The following CAPN10 variants were observed in gnomAD, a reference collection of about 807,000 sequenced individuals.
CAPN10 encodes calpain 10.
CAPN10 carries 71 observed loss-of-function variants against 78.4 expected under a neutral mutation model. The ratio of observed to expected loss-of-function variants is 0.91; its 90% confidence interval spans 0.75 to 1.10. CAPN10 has a LOEUF of 1.10. Among genes scored for constraint, CAPN10 ranks in the 50% least tolerant of loss-of-function variants. CAPN10 has a pLI of 0.00. For missense variants in CAPN10, 849 were observed against 924.6 expected, an observed-to-expected ratio of 0.92 and a Z score of 1.06; for synonymous variants, 437 against 407.2, an observed-to-expected ratio of 1.07 and a Z score of -0.88.
In CAPN10 at chr2:240,595,183, G is replaced by A. The variant is rs765891497; in HGVS notation, c.1157G>A (p.Arg386Lys). The A allele has an allele frequency of 9.3e-6, 15 of 1,613,822 alleles. No individual in the cohort carries two copies. The South Asian group carries it at 1.4e-4, about 15-fold the overall frequency. Residue 386 changes from arginine to lysine, a missense_variant, in exon 7 of 12, where the codon AGG (arginine) becomes AAG (lysine). By Grantham distance (26) the Arg-to-Lys change is conservative. Coordinates refer to ENST00000391984, the MANE Select transcript of CAPN10 (RefSeq NM_023083.4). ...TACATTGCCGTCCTGCAGAGATCCAGGCTGCACGCGGCGGACTGGGCAGGC... is the reference window on the plus strand; with the variant it reads ...TACATTGCCGTCCTGCAGAGATCCAAGCTGCACGCGGCGGACTGGGCAGGC... ...EVYIAVLQRSRLHAADWAGRA... is the reference protein window; with the variant it reads ...EVYIAVLQRSKLHAADWAGRA...
chr2:240,597,848 C>A, intron 9 of CAPN10, 40 bp from the exon 10 acceptor site: 1 of 1,539,134 alleles, frequency 6.5e-7, no homozygotes, highest in Non-Finnish European at 8.8e-7. Context: ...CTCCCTACCC[C>A]AAGGCTGGCC....
In CAPN10 at chr2:240,594,586, C is replaced by G. The variant is rs777385683; in HGVS notation, c.874C>G (p.Leu292Val). Residue 292 changes from leucine (L) to valine (V), a missense_variant, in exon 6 of 12, where the codon CTC (leucine) becomes GTC (valine). Coordinates refer to ENST00000391984, the MANE Select transcript of CAPN10 (RefSeq NM_023083.4). Reference sequence around the variant, plus strand: ...GGTAGATGCAGCGGTAGCATCTGAGCTCCTGTCCCAGCTCCAGGAAGGGGA... The same window carrying G: ...GGTAGATGCAGCGGTAGCATCTGAGGTCCTGTCCCAGCTCCAGGAAGGGGA... Reference protein sequence around the residue: ...SQVDAAVASELLSQLQEGEFW... With the variant: ...SQVDAAVASEVLSQLQEGEFW... The G allele has an allele frequency of 1.4e-5, 23 of 1,613,888 alleles. No homozygotes were observed. The highest frequency in any genetic ancestry group is 1.9e-5 in the Non-Finnish European group (23 of 1,179,936).
At chr2:240,594,472 C>T in intron 5 of CAPN10, 71 bp from the exon 6 acceptor site, 1 of 1,509,632 alleles carries the variant, frequency 6.6e-7, no homozygotes, top group East Asian at 2.3e-5. Flanking sequence ...CCAGGCTTCC[C>T]CCCAGCCTGC....
chr2:240,594,487 A>G lies in CAPN10; in HGVS notation c.831-56A>G, dbSNP rs2125462534. ...CCAGGCTTCCCCCCAGCCTGCCGGC[A>G]AGTTGACACTACCAGTTCTCGGGAG... On this transcript the variant is annotated intron_variant, in intron 5 of 11. Coordinates refer to ENST00000391984, the MANE Select transcript of CAPN10 (RefSeq NM_023083.4). 2.6e-6 allele frequency: 4 copies of G among 1,556,428 alleles called. No homozygotes were observed. In the South Asian group the frequency reaches 4.7e-5, roughly 18 times the overall value.
Position 240,589,456 on chromosome 2 carries a change from C to T in CAPN10, c.255C>T (p.Ser85=). The change falls in exon 2 of 12, where the codon AGC becomes AGT. Residue 85 remains serine, a synonymous_variant. Transcript: ENST00000391984. ...GTGCCTGCGCCGCGCTGCAGAAGAGCAGGCACCTCCTGGACCAGGTGCGGG... is the reference window on the plus strand; with the variant it reads ...GTGCCTGCGCCGCGCTGCAGAAGAGTAGGCACCTCCTGGACCAGGTGCGGG... ...FLCACAALQK[S]RHLLDQVIPP... 6.2e-7 allele frequency: 1 copy of T among 1,613,422 alleles called. No homozygotes were observed. The highest frequency in any genetic ancestry group is 8.5e-7 in the Non-Finnish European group (1 of 1,179,830).
At chr2:240,592,250 C>G in intron 4 of CAPN10, 100 bp downstream of exon 4, 1 of 1,012,232 alleles carries the variant, frequency 9.9e-7, no homozygotes. Context: ...CTACACAGCC[C>G]TGTCAGGACT....
At chr2:240,595,755 G>A (rs911168053) in intron 7 of CAPN10, among the ~76,000 whole-genome samples, 3 of 152,360 alleles carry the variant, frequency 2.0e-5, no homozygotes, top group South Asian at 2.1e-4. Context: ...GTCCTGACAC[G>A]GATCTCATGG....
At chr2:240,598,526 C>A in intron 11 of CAPN10, 125 bp from the exon 12 acceptor site, 1 of 1,437,732 alleles carries the variant, frequency 7.0e-7, no homozygotes, top group Non-Finnish European at 9.6e-7. Context: ...CCTGTGAGAG[C>A]CCCGGGCGGT....
Position 240,586,872 on chromosome 2 carries a change from C to T in CAPN10, c.-40C>T. ...CGCCTTCTCTCCGGGGCTGCGACCC[C>T]GAGGCAACCGGCTGCAGATGGGAGC... On this transcript the variant is annotated 5_prime_UTR_variant, in exon 1 of 12. Coordinates refer to ENST00000391984, the MANE Select transcript of CAPN10 (RefSeq NM_023083.4). 1.5e-6 allele frequency: 2 copies of T among 1,347,530 alleles called. No individual in the cohort carries two copies. The highest frequency in any genetic ancestry group is 1.9e-6 in the Non-Finnish European group (2 of 1,053,890). 83.5% of individuals were successfully genotyped at this position (1,347,530 alleles called of 1,614,324 possible).
chr2:240,592,193 C>G, intron 4 of CAPN10, 43 bp downstream of exon 4: 5 of 1,498,066 alleles, frequency 3.3e-6, no homozygotes, highest in Non-Finnish European at 4.5e-6. Context: ...GCCAGCGTGC[C>G]CCCCACTGCC....
intron 1 of CAPN10, among the ~76,000 whole-genome samples, 160 bp downstream of exon 1, chr2:240,587,212 C>T (rs770745667): frequency 1.3e-5 from 2 of 152,232 alleles, no homozygotes; most frequent in Non-Finnish European, 2.9e-5. Context: ...TTCGTACCTC[C>T]TTCATACCCC....
rs937149742 is a variant in CAPN10, at chr2:240,596,232, G to A, written c.1279-87G>A. On this transcript the variant is annotated intron_variant, in intron 7 of 11. Coordinates refer to ENST00000391984, the MANE Select transcript of CAPN10 (RefSeq NM_023083.4). ...GCGCTTTCATCTGTCAACTCCAGAG[G>A]CCCTTGTGCTTGCAGCAGGGAGGTC... The A allele has an allele frequency of 5.0e-5, 74 of 1,494,322 alleles. 2 individuals are homozygous for A. In the East Asian group the frequency reaches 1.3e-3, roughly 26 times the overall value. 92.6% of individuals were successfully genotyped at this position (1,494,322 alleles called of 1,614,324 possible).
chr2:240,598,719 C>G lies in CAPN10; in HGVS notation c.*39C>G, dbSNP rs759271453. On this transcript the variant is annotated 3_prime_UTR_variant, in exon 12 of 12. Transcript: ENST00000391984. Reference sequence around the variant, plus strand: ...TGTGCCAGCTCAGGTGACTGGAGCCCGAGGGCCTGACAGGTTCCCAGCAGC... The same window carrying G: ...TGTGCCAGCTCAGGTGACTGGAGCCGGAGGGCCTGACAGGTTCCCAGCAGC... 33 of 1,551,740 alleles carry G rather than the reference C, an allele frequency of 2.1e-5. No homozygotes were observed. Among genetic ancestry groups the G allele is most frequent in the Non-Finnish European group, 2.8e-5 (32 of 1,144,166 alleles).
intron 5 of CAPN10, 40 bp downstream of exon 5, chr2:240,594,087 G>A (rs1200069893): frequency 6.5e-7 from 1 of 1,534,114 alleles, no homozygotes. Flanking sequence ...GTCGGGAGGG[G>A]GGCCCAGTGC....
intron 9 of CAPN10, among the ~76,000 whole-genome samples, chr2:240,597,479 A>G (rs1160796302): frequency 6.6e-6 from 1 of 152,190 alleles, no homozygotes; most frequent in African/African-American, 2.4e-5. Context: ...CCTGGAATGC[A>G]GGGGCCCTGA....
chr2:240,593,865 TG>T, intron 4 of CAPN10, 40 bp from the exon 5 acceptor site: 1 of 1,548,166 alleles, frequency 6.5e-7, no homozygotes, highest in Non-Finnish European at 8.8e-7. Context: ...TGGGACTCCA[TG>T]GTGCCCTTCC....
intron 1 of CAPN10, among the ~76,000 whole-genome samples, chr2:240,588,262 G>A (rs2093080614): frequency 6.6e-6 from 1 of 152,084 alleles, no homozygotes; most frequent in South Asian, 2.1e-4. Flanking sequence ...ATACGGAGCA[G>A]GGATAGGCTA....
At chr2:240,591,142 C>T (rs1478467228) in intron 3 of CAPN10, 131 bp downstream of exon 3, 20 of 785,236 alleles carry the variant, frequency 2.5e-5, no homozygotes, top group Non-Finnish European at 3.0e-5. Context: ...TCTGGCAGCT[C>T]ATTCTGTGAG....
rs548546733 is a variant in CAPN10, at chr2:240,596,387, T to C, written c.1347T>C (p.His449=). The part of the protein sequence containing the change: ...SMPPVAGTAC[H]AYDREVHLRC... ...CCCCCGTGGCTGGCACCGCGTGCCA[T>C]GCATACGACCGGGAGGTCCACCTGC... Residue 449 remains histidine (H), a synonymous_variant, in exon 8 of 12, where the codon CAT becomes CAC. Transcript: ENST00000391984. 4 of 1,613,276 alleles carry C rather than the reference T, an allele frequency of 2.5e-6. No homozygotes were observed. Among genetic ancestry groups the C allele is most frequent in the Non-Finnish European group, 3.4e-6 (4 of 1,179,860 alleles).
Sources: allele counts gnomAD v4.1 joint callset (sites outside exome capture counted in the v4.1 genomes callset), GRCh38; gene constraint gnomAD v4.1.1; transcripts MANE v1.5; gene names NCBI Gene and HGNC (gene_info 2026-07-23, HGNC 2026-07-21).